Variants in IST1 observed in about 807,000 individuals in gnomAD.
IST1 encodes the protein IST1 factor associated with ESCRT-III, also known as IST1 homolog.
A neutral mutation model predicts 37.0 loss-of-function variants in IST1; 23 were observed. The observed-to-expected ratio is 0.62, with a 90% CI of 0.45 to 0.88. IST1 has a LOEUF of 0.88. IST1 is among the 40% of genes least tolerant of loss of function. The probability of loss-of-function intolerance (pLI) is 0.00; values close to 1 mark genes in which losing one functional copy is unlikely to be tolerated. For missense variants in IST1, 488 were observed against 445.4 expected, an observed-to-expected ratio of 1.10 and a Z score of -0.86; for synonymous variants, 180 against 161.7, an observed-to-expected ratio of 1.11 and a Z score of -0.86.
intron 1 of IST1, among the ~76,000 whole-genome samples, chr16:71,905,471 T>A (rs751622028): frequency 1.3e-5 from 2 of 151,886 alleles, no homozygotes; most frequent in African/African-American, 2.4e-5. Context: ...CTTCGTCTGC[T>A]GGGTTCAAGT....
intron 4 of IST1, among the ~76,000 whole-genome samples, chr16:71,919,063 C>T (rs1368982917): frequency 6.6e-6 from 1 of 152,194 alleles, no homozygotes; most frequent in Non-Finnish European, 1.5e-5. Context: ...CTATTCACAC[C>T]ATTCCATCAG....
At chr16:71,902,535 G>A (rs2037131607) in intron 1 of IST1, among the ~76,000 whole-genome samples, 1 of 152,206 alleles carries the variant, frequency 6.6e-6, no homozygotes, top group Non-Finnish European at 1.5e-5. Context: ...TTCCCAAAGT[G>A]CTGGGATTAT....
chr16:71,897,426 T>A (rs2036998970), intron 1 of IST1, among the ~76,000 whole-genome samples: 1 of 152,188 alleles, frequency 6.6e-6, no homozygotes, highest in Non-Finnish European at 1.5e-5. Flanking sequence ...TTCTAAATTA[T>A]CAGGAGCTCC....
At chr16:71,895,617 G>A (rs1036292813) in intron 1 of IST1, 28 bp downstream of exon 1, 1 of 914,808 alleles carries the variant, frequency 1.1e-6, no homozygotes, top group Non-Finnish European at 1.3e-6. Context: ...GGCGTCAGAG[G>A]TCTCTGTCTT....
chr16:71,913,280 T>C (rs529189158), intron 1 of IST1, among the ~76,000 whole-genome samples: 1 of 150,242 alleles, frequency 6.7e-6, no homozygotes, highest in East Asian at 1.9e-4. Context: ...GAAATTTTCT[T>C]TTTTTTTTTG....
At chr16:71,908,551 G>T (rs1354975727) in intron 1 of IST1, among the ~76,000 whole-genome samples, 3 of 152,120 alleles carry the variant, frequency 2.0e-5, no homozygotes, top group Non-Finnish European at 2.9e-5. Context: ...ACAGTGTTGG[G>T]ATTACAGGTG....
rs11865439 is a variant in IST1 at position 71,905,251 on chromosome 16, G to T, written c.-16+9662G>T. Among the ~76,000 whole-genome samples, 886 of 152,016 alleles carry T rather than the reference G, an allele frequency of 5.8e-3. 9 individuals are homozygous for T. Among genetic ancestry groups the T allele is most frequent in the African/African-American group, 0.019 (783 of 41,460 alleles). On this transcript the variant is annotated intron_variant, in intron 1 of 9. Coordinates refer to ENST00000378799, the MANE Select transcript of IST1 (RefSeq NM_001270975.2). ...GGGTTTTACTATGTTGGCCAGGCTG[G>T]TCTCGAACTCCTGACCTCGTGATCC...
At chr16:71,904,197 C>A (rs72801782) in intron 1 of IST1, among the ~76,000 whole-genome samples, 1 of 152,122 alleles carries the variant, frequency 6.6e-6, no homozygotes, top group African/African-American at 2.4e-5. Flanking sequence ...GATCTCCGCT[C>A]GCTGCAATCT....
intron 1 of IST1, among the ~76,000 whole-genome samples, chr16:71,900,449 T>A (rs2037082373): frequency 6.7e-6 from 1 of 149,672 alleles, no homozygotes; most frequent in African/African-American, 2.5e-5. Flanking sequence ...CTTTTCCTCC[T>A]CCAGATATCC....
rs150929851 is a variant in IST1, at chr16:71,896,122, A to G, written c.-16+533A>G. Among the ~76,000 whole-genome samples, 85 of 151,986 alleles carry G rather than the reference A, an allele frequency of 5.6e-4. 1 individual carries two copies. Among genetic ancestry groups the G allele is most frequent in the East Asian group, 1.4e-3 (7 of 5,146 alleles). On this transcript the variant is annotated intron_variant, in intron 1 of 9. Coordinates refer to ENST00000378799, the MANE Select transcript of IST1 (RefSeq NM_001270975.2). ...TCCACTTTGGCCTGAGAAAATTACA[A>G]TTTCTTTCGCTGAAGTAAGGAGCGG...
intron 1 of IST1, chr16:71,903,599 C>T (rs527656132): frequency 6.6e-6 from 1 of 152,110 alleles, no homozygotes; most frequent in Non-Finnish European, 1.5e-5. Context: ...GAGACGAGGT[C>T]TTACTGTGTT....
chr16:71,909,700 C>T (rs2037308893), intron 1 of IST1, among the ~76,000 whole-genome samples: 1 of 152,174 alleles, frequency 6.6e-6, no homozygotes, highest in Non-Finnish European at 1.5e-5. Context: ...TCTTTGTTAA[C>T]ATGTTCACTT....
In IST1 at chr16:71,923,395, C is replaced by A. The variant is rs766166995; in HGVS notation, c.852+15C>A. 6.6e-7 allele frequency: 1 copy of A among 1,518,876 alleles called. No individual in the cohort carries two copies. Among genetic ancestry groups the A allele is most frequent in the East Asian group, 2.3e-5 (1 of 44,252 alleles). The allele number at this position is 1,518,876 out of a possible 1,614,324, so 94.1% of individuals were successfully genotyped here. ...CGTATGAATCTGTAAGTGCCTGAGC[C>A]TCTTTTATAAGCAACAGGAGAGTGA... On this transcript the variant is annotated intron_variant, in intron 8 of 9. Coordinates refer to ENST00000378799, the MANE Select transcript of IST1 (RefSeq NM_001270975.2).
chr16:71,898,480 T>G (rs946507844), intron 1 of IST1, among the ~76,000 whole-genome samples: 1 of 150,554 alleles, frequency 6.6e-6, no homozygotes. Context: ...GGTTAGGAGT[T>G]CAAGACCAGC....
Position 71,928,085 on chromosome 16 carries a change from G to A in IST1, c.*272G>A. The stretch of plus-strand genomic sequence containing the variant: ...TCAGAGTGATCCCAGGTTTCCTCCT[G>A]GCCCGTCCCATGGTCCCTCCACAGG... On this transcript the variant is annotated 3_prime_UTR_variant, in exon 10 of 10. Transcript: ENST00000378799. The A allele has an allele frequency of 2.3e-6, 1 of 426,528 alleles. No homozygotes were observed. Among genetic ancestry groups the A allele is most frequent in the Non-Finnish European group, 4.4e-6 (1 of 228,918 alleles). The allele number at this position is 426,528 out of a possible 1,614,324, so 26.4% of individuals were successfully genotyped here.
upstream of IST1, chr16:71,894,832 A>G: frequency 3.9e-6 from 6 of 1,534,396 alleles, no homozygotes; most frequent in Non-Finnish European, 5.2e-6. Context: ...TTAAGCAGCG[A>G]TAATGGTTTT....
chr16:71,915,739 T>G lies in IST1; in HGVS notation c.88+11T>G, dbSNP rs1438169921. On this transcript the variant is annotated intron_variant, in intron 2 of 9. Coordinates refer to ENST00000378799, the MANE Select transcript of IST1 (RefSeq NM_001270975.2). ...TGGAGAAAAAGAAAAGTGAGTAGTG[T>G]ACTTTTTTTCCCCAAAAATAAATCA... 1 of 1,563,606 alleles carries G rather than the reference T, an allele frequency of 6.4e-7. No homozygotes were observed. The highest frequency in any genetic ancestry group is 8.8e-7 in the Non-Finnish European group (1 of 1,136,688).
chr16:71,923,231 C>A (rs1245107421), intron 7 of IST1, 57 bp from the exon 8 acceptor site: 1 of 952,466 alleles, frequency 1.0e-6, no homozygotes, highest in Non-Finnish European at 1.7e-6. Context: ...CATACCCAAA[C>A]CTTCGAGATT....
In IST1 at chr16:71,927,653, C is replaced by T. The variant is rs371518083; in HGVS notation, c.941C>T (p.Ser314Phe). The T allele has an allele frequency of 5.6e-6, 9 of 1,613,824 alleles. No homozygotes were observed. Among genetic ancestry groups the T allele is most frequent in the Admixed American group, 3.3e-5 (2 of 59,986 alleles). Reference sequence around the variant, plus strand: ...CCAGAAGCCTCTGCAAAGCTTCCTTCCAGACCTGCAGATAACTATGACAAC... The same window carrying T: ...CCAGAAGCCTCTGCAAAGCTTCCTTTCAGACCTGCAGATAACTATGACAAC... ...PKPEASAKLP[S>F]RPADNYDNFV... The change falls in exon 10 of 10, where the codon TCC (serine) becomes TTC (phenylalanine). Residue 314 changes from serine to phenylalanine, a missense_variant. Ser to Phe is a radical substitution (Grantham distance 155). Coordinates refer to ENST00000378799, the MANE Select transcript of IST1 (RefSeq NM_001270975.2).
Sources: gnomAD v4.1 joint callset for allele counts (sites outside exome capture counted in the v4.1 genomes callset) on GRCh38, gnomAD v4.1.1 for gene constraint, MANE v1.5 for transcripts, NCBI Gene and HGNC (gene_info 2026-07-23, HGNC 2026-07-21) for gene names.